SCN7A: variants seen among roughly 807,000 people sequenced by gnomAD.
The protein encoded by SCN7A is sodium voltage-gated channel alpha subunit 7, also known as sodium channel protein type 7 subunit alpha.
Under a neutral mutation model 155.2 loss-of-function variants are expected in SCN7A, and 138 were observed. The ratio of observed to expected loss-of-function variants is 0.89; its 90% CI spans 0.77 to 1.02. SCN7A has a LOEUF of 1.02. Among genes scored for constraint, SCN7A ranks in the 50% least tolerant of loss-of-function variants. The pLI is 0.00. For synonymous variants in SCN7A, 693 were observed against 649.0 expected (o/e 1.07, Z -1.03); for missense variants, 2,058 against 1,986.6 (o/e 1.04, Z -0.68).
chr2:166,406,997 T>C (rs1370663195), intron 25 of SCN7A, among the ~76,000 whole-genome samples: 4 of 152,028 alleles, frequency 2.6e-5, no homozygotes, highest in Non-Finnish European at 5.9e-5. Context: ...AGAAACTTAG[T>C]TCCATGCAAT....
chr2:166,416,923 C>T lies in SCN7A; in HGVS notation c.3198G>A (p.Leu1066=). 3 of 1,612,064 alleles carry T rather than the reference C, an allele frequency of 1.9e-6. No homozygotes were observed. Among genetic ancestry groups the T allele is most frequent in the Non-Finnish European group, 2.5e-6 (3 of 1,178,952 alleles). The stretch of plus-strand genomic sequence containing the variant: ...TGATACTAAAAATCAGCCAGATCAT[C>T]AGGCAGACAAGAAACACATTCAAAG... ...LPTLNVFLVC[L]MIWLIFSIMG... Residue 1066 remains leucine, a synonymous_variant, in exon 21 of 26, where the codon CTG becomes CTA. Coordinates refer to ENST00000643258, the MANE Select transcript of SCN7A (RefSeq NM_002976.4).
intron 11 of SCN7A, among the ~76,000 whole-genome samples, chr2:166,450,387 T>C (rs562383492): frequency 3.8e-4 from 58 of 152,142 alleles, no homozygotes; most frequent in African/African-American, 1.3e-3. Context: ...GGTGATAGGA[T>C]CATTCCTACA....
At position 166,456,205 on chromosome 2, in the gene SCN7A, C is replaced by T. The variant is rs1032208095; in HGVS notation, c.1290+665G>A. ...GGGAACATCACACATCAGGACCTGT[C>T]GGGGGTGGGGGCAAGGGGAGCAATA... On this transcript the variant is annotated intron_variant, in intron 11 of 25. Transcript: ENST00000643258. Among the ~76,000 whole-genome samples the T allele has an allele frequency of 3.3e-4, 50 of 151,564 alleles. 1 individual carries two copies. Among genetic ancestry groups the T allele is most frequent in the African/African-American group, 8.5e-4 (35 of 41,238 alleles).
intron 3 of SCN7A, among the ~76,000 whole-genome samples, chr2:166,475,105 T>TAC (rs1559125205): frequency 1.1e-5 from 1 of 89,188 alleles, no homozygotes; most frequent in African/African-American, 6.3e-5. Context: ...CATATATATG[T>TAC]ATATATATAT....
chr2:166,456,828 A>AGG (rs1400126836), intron 11 of SCN7A, 42 bp downstream of exon 11: 1 of 748,258 alleles, frequency 1.3e-6, no homozygotes, highest in Admixed American at 2.6e-5. Context: ...ATATATATAT[A>AGG]TAGATAGATA....
Position 166,462,310 on chromosome 2 carries a change from A to G in SCN7A, c.1083+79T>C, listed in dbSNP as rs560761860. On this transcript the variant is annotated intron_variant, in intron 10 of 25. Coordinates refer to ENST00000643258, the MANE Select transcript of SCN7A (RefSeq NM_002976.4). Reference sequence around the variant, plus strand: ...TCTGCACATAAAAATTTAAAAAACTATATTACATTTGACCATTATCTTAGA... The same window carrying G: ...TCTGCACATAAAAATTTAAAAAACTGTATTACATTTGACCATTATCTTAGA... 12 of 1,407,800 alleles carry G rather than the reference A, an allele frequency of 8.5e-6. No individual in the cohort carries two copies. In the South Asian group the frequency reaches 1.7e-4, roughly 20 times the overall value. The allele number at this position is 1,407,800 out of a possible 1,614,324, so 87.2% of individuals were successfully genotyped here.
In SCN7A at chr2:166,405,576, G is replaced by A; in HGVS notation, c.*4C>T. The A allele has an allele frequency of 6.5e-7, 1 of 1,537,634 alleles. No homozygotes were observed. The highest frequency in any genetic ancestry group is 8.8e-7 in the Non-Finnish European group (1 of 1,142,478). On this transcript the variant is annotated 3_prime_UTR_variant, in exon 26 of 26. Coordinates refer to ENST00000643258, the MANE Select transcript of SCN7A (RefSeq NM_002976.4). ...AGAAATATGAAAAGAGGTGGTAAGT[G>A]GTATTAGATCTGGCTTTGAATAGGT... is the stretch of plus-strand genomic sequence containing the variant.
At chr2:166,424,074 G>A (rs1271375628) in intron 18 of SCN7A, among the ~76,000 whole-genome samples, 1 of 151,760 alleles carries the variant, frequency 6.6e-6, no homozygotes, top group East Asian at 1.9e-4. Context: ...ATACATAAGA[G>A]GACAAAAAGC....
Position 166,439,055 on chromosome 2 carries a change from G to GTGTGTGTATATATATA in SCN7A, c.2157+2340_2157+2341insTATATATATACACACA, listed in dbSNP as rs375208870. Among the ~76,000 whole-genome samples, 159 of 113,398 alleles carry GTGTGTGTATATATATA rather than the reference G, an allele frequency of 1.4e-3. 1 individual carries two copies. The highest frequency in any genetic ancestry group is 8.4e-3 in the East Asian group (34 of 4,034). The allele number at this position is 113,398 out of a possible 152,430, so 74.4% of individuals were successfully genotyped here. A position where few individuals can be genotyped will look rare whatever the true frequency, so the allele number is the denominator to read the frequency against. Reference sequence around the variant, plus strand: ...CACATACATATATGTGTGTGTGTGTGTATATATATATATATATATATATAG... The same window carrying GTGTGTGTATATATATA: ...CACATACATATATGTGTGTGTGTGTGTGTGTGTATATATATATATATATATATATATATATATATAG... On this transcript the variant is annotated intron_variant, in intron 15 of 25. Coordinates refer to ENST00000643258, the MANE Select transcript of SCN7A (RefSeq NM_002976.4).
At chr2:166,484,644 A>G (rs929295563) in intron 2 of SCN7A, among the ~76,000 whole-genome samples, 2 of 152,016 alleles carry the variant, frequency 1.3e-5, no homozygotes, top group Non-Finnish European at 2.9e-5. Flanking sequence ...CTCAAATACT[A>G]TTAAGGTATA....
intron 11 of SCN7A, among the ~76,000 whole-genome samples, chr2:166,453,163 G>T (rs2105457061): frequency 6.6e-6 from 1 of 152,154 alleles, no homozygotes; most frequent in East Asian, 1.9e-4. Flanking sequence ...TTTGGAGACT[G>T]AACCTCAGTT....
At chr2:166,464,030 T>C (rs1417693103) in intron 9 of SCN7A, among the ~76,000 whole-genome samples, 1 of 151,760 alleles carries the variant, frequency 6.6e-6, no homozygotes, top group Non-Finnish European at 1.5e-5. Context: ...CACTGCAGCC[T>C]GGGCAACAGA....
Position 166,405,457 on chromosome 2 carries a change from CA to C in SCN7A, c.*122del. 1.4e-6 allele frequency: 1 copy of C among 728,916 alleles called. No individual in the cohort carries two copies. Among genetic ancestry groups the C allele is most frequent in the South Asian group, 2.0e-5 (1 of 49,376 alleles). The allele number at this position is 728,916 out of a possible 1,614,324, so 45.2% of individuals were successfully genotyped here. On this transcript the variant is annotated 3_prime_UTR_variant, in exon 26 of 26. Transcript: ENST00000643258. ...AATTTGGCATGAAGTCTTGTGAATA[CA>C]AGCTTAATTACCATCGGTTGTAAAG...
At position 166,405,415 on chromosome 2, in the gene SCN7A, T is replaced by C. The variant is rs1459847745; in HGVS notation, c.*165A>G. On this transcript the variant is annotated 3_prime_UTR_variant, in exon 26 of 26. Transcript: ENST00000643258. ...TTAAGGATTCTCTTGATTTGTTAGA[T>C]ATAATGCTAAAAAGTGAATTTGGCA... The C allele has an allele frequency of 3.5e-6, 2 of 579,584 alleles. No individual in the cohort carries two copies. Among genetic ancestry groups the C allele is most frequent in the Non-Finnish European group, 5.9e-6 (2 of 336,162 alleles). 35.9% of individuals were successfully genotyped at this position (579,584 alleles called of 1,614,324 possible). A position where few individuals can be genotyped will look rare whatever the true frequency, so the allele number is the denominator to read the frequency against.
rs777496799 is a variant in SCN7A at position 166,406,573 on chromosome 2, C to T, written c.4056G>A (p.Arg1352=). The T allele has an allele frequency of 6.2e-7, 1 of 1,612,594 alleles. No individual in the cohort carries two copies. The highest frequency in any genetic ancestry group is 8.5e-7 in the Non-Finnish European group (1 of 1,179,158). ...PSLVQLILLS[R]IIHMLRLGKG... ...TTCCAAGACGCAGCATGTGAATGAT[C>T]CGTGAGAGAAGTATCAGTTGCACAA... The change falls in exon 26 of 26, where the codon CGG becomes CGA. Residue 1352 remains arginine (R), a synonymous_variant. Transcript: ENST00000643258.
At chr2:166,484,588 T>A (rs1307053477) in intron 2 of SCN7A, among the ~76,000 whole-genome samples, 1 of 151,990 alleles carries the variant, frequency 6.6e-6, no homozygotes, top group East Asian at 1.9e-4. Flanking sequence ...TCTTGAAGGC[T>A]AAAGATTTTA....
In SCN7A at chr2:166,412,567, G is replaced by T; in HGVS notation, c.3569C>A (p.Thr1190Asn). ...GVFLPLSMLI[T>N]VIIDNFNKHK... ...CTTGTTGAAATTATCAATAATAACA[G>T]TAATCAGCATACTCAGAGGGAGAAA... The change falls in exon 23 of 26, where the codon ACT becomes AAT. Residue 1190 changes from threonine to asparagine, a missense_variant. Physicochemically the swap from Thr to Asn is moderately conservative, Grantham distance 65 (BLOSUM62 0). Transcript: ENST00000643258. 1.3e-6 allele frequency: 2 copies of T among 1,504,972 alleles called. No homozygotes were observed. Among genetic ancestry groups the T allele is most frequent in the Non-Finnish European group, 1.8e-6 (2 of 1,130,328 alleles). 93.2% of individuals were successfully genotyped at this position (1,504,972 alleles called of 1,614,324 possible).
intron 3 of SCN7A, among the ~76,000 whole-genome samples, chr2:166,477,210 G>A (rs1048328634): frequency 2.0e-5 from 3 of 151,692 alleles, no homozygotes; most frequent in African/African-American, 4.8e-5. Context: ...TTACATTAAG[G>A]CATACTAATA....
chr2:166,473,527 G>C (rs1702705403), intron 5 of SCN7A, among the ~76,000 whole-genome samples: 1 of 151,574 alleles, frequency 6.6e-6, no homozygotes, highest in Admixed American at 6.6e-5. Flanking sequence ...CTAGGAAAGA[G>C]AGGAATAGAA....
Sources: allele counts gnomAD v4.1 joint callset (sites outside exome capture counted in the v4.1 genomes callset), GRCh38; gene constraint gnomAD v4.1.1; transcripts MANE v1.5; gene names NCBI Gene and HGNC (gene_info 2026-07-23, HGNC 2026-07-21).